ADGRL2: variants seen among roughly 807,000 people sequenced by gnomAD.
The protein encoded by ADGRL2 is adhesion G protein-coupled receptor L2.
Under a neutral mutation model 157.4 loss-of-function variants are expected in ADGRL2, and 44 were observed. The ratio of observed to expected loss-of-function variants is 0.28; its 90% CI spans 0.22 to 0.36. The LOEUF (loss-of-function observed/expected upper bound fraction) is 0.36, where lower values mean the gene tolerates loss of function less well. ADGRL2 is among the 10% of genes least tolerant of loss of function. The pLI is 1.00. For missense variants in ADGRL2, 1,510 were observed against 1,768.9 expected (o/e 0.85, Z 2.63); for synonymous variants, 585 against 624.7 (o/e 0.94, Z 0.95).
At chr1:81,708,406 G>T (rs1043825479) in intron 1 of ADGRL2, among the ~76,000 whole-genome samples, 1 of 152,042 alleles carries the variant, frequency 6.6e-6, no homozygotes, top group Non-Finnish European at 1.5e-5. Context: ...AAGCAATATT[G>T]TTTCCATTAT....
intron 2 of ADGRL2, among the ~76,000 whole-genome samples, chr1:81,510,985 G>T (rs1026344219): frequency 6.6e-6 from 1 of 152,056 alleles, no homozygotes; most frequent in Non-Finnish European, 1.5e-5. Context: ...TATAATCAAA[G>T]CTTCAAAGTT....
At chr1:81,899,435 T>G (rs2094449936) in intron 2 of ADGRL2, among the ~76,000 whole-genome samples, 1 of 152,106 alleles carries the variant, frequency 6.6e-6, no homozygotes, top group African/African-American at 2.4e-5. Context: ...TGCCGGGAGG[T>G]ATTTATTCCG....
intron 1 of ADGRL2, among the ~76,000 whole-genome samples, chr1:81,361,322 CT>C (rs2075975188): frequency 6.6e-6 from 1 of 152,004 alleles, no homozygotes; most frequent in Non-Finnish European, 1.5e-5. Context: ...AAAGTAGTCT[CT>C]CAGTAATAGT....
At chr1:81,906,947 A>C in intron 2 of ADGRL2, 70 bp from the exon 3 acceptor site, 3 of 1,233,946 alleles carry the variant, frequency 2.4e-6, no homozygotes, top group Non-Finnish European at 3.5e-6. Context: ...TATTACTTGA[A>C]AATGCTTTAC....
intron 3 of ADGRL2, among the ~76,000 whole-genome samples, chr1:81,606,330 T>C (rs1465373411): frequency 6.6e-6 from 1 of 152,230 alleles, no homozygotes; most frequent in East Asian, 1.9e-4. Context: ...GATCTTTCTG[T>C]AATGCATAGC....
chr1:81,936,295 G>A (rs2095309545), intron 3 of ADGRL2, among the ~76,000 whole-genome samples: 2 of 151,726 alleles, frequency 1.3e-5, no homozygotes, highest in Admixed American at 6.6e-5. Flanking sequence ...AGAAATTCAG[G>A]TTTTGACTCT....
intron 2 of ADGRL2, among the ~76,000 whole-genome samples, chr1:81,876,648 A>G (rs944312600): frequency 1.5e-4 from 23 of 152,120 alleles, no homozygotes; most frequent in Non-Finnish European, 7.4e-5. Flanking sequence ...GACTTTCTGA[A>G]GCTAATAATC....
At chr1:81,663,007 G>T (rs904338284) in intron 3 of ADGRL2, among the ~76,000 whole-genome samples, 1 of 151,988 alleles carries the variant, frequency 6.6e-6, no homozygotes, top group Non-Finnish European at 1.5e-5. Context: ...CTTACAAACT[G>T]CCTTAGAATC....
intron 3 of ADGRL2, among the ~76,000 whole-genome samples, chr1:81,691,914 A>G (rs1385905667): frequency 1.4e-5 from 2 of 145,688 alleles, no homozygotes; most frequent in Admixed American, 7.0e-5. Context: ...ATATAGATAT[A>G]TGTGTGTATA....
chr1:81,584,118 A>T (rs192143999), intron 3 of ADGRL2, among the ~76,000 whole-genome samples: 14 of 152,144 alleles, frequency 9.2e-5, no homozygotes, highest in Admixed American at 9.2e-4. Context: ...AGGTAGAGGG[A>T]TTTGCTTTTA....
chr1:81,710,103 TCA>T (rs1322017180), intron 1 of ADGRL2, among the ~76,000 whole-genome samples: 1 of 152,154 alleles, frequency 6.6e-6, no homozygotes, highest in East Asian at 1.9e-4. Context: ...AATTTATTTA[TCA>T]CATATTGCAT....
intron 1 of ADGRL2, among the ~76,000 whole-genome samples, chr1:81,409,698 G>C (rs996675960): frequency 2.0e-5 from 3 of 152,090 alleles, no homozygotes; most frequent in Non-Finnish European, 4.4e-5. Flanking sequence ...ATCTCCATTA[G>C]TCAAATCACA....
At position 81,985,421 on chromosome 1, in the gene ADGRL2, A is replaced by G. The variant is rs917912914; in HGVS notation, c.3508+66A>G. On this transcript the variant is annotated intron_variant, in intron 21 of 23. Coordinates refer to ENST00000686636, the MANE Select transcript of ADGRL2 (RefSeq NM_001366006.2). ...AGTACATATAAGTTCCTTTTATTCA[A>G]TAATGTAATGTAAGAAATATAATTT... 4 of 799,796 alleles carry G rather than the reference A, an allele frequency of 5.0e-6. No homozygotes were observed. The Admixed American group carries it at 6.9e-5, about 14-fold the overall frequency. The allele number at this position is 799,796 out of a possible 1,614,324, so 49.5% of individuals were successfully genotyped here.
At chr1:81,427,286 G>A in intron 1 of ADGRL2, 4 of 735,334 alleles carry the variant, frequency 5.4e-6, no homozygotes, top group Admixed American at 1.8e-5. Context: ...TGGATATAAT[G>A]GACTTAGAGG....
intron 2 of ADGRL2, among the ~76,000 whole-genome samples, chr1:81,783,760 A>G (rs1481363096): frequency 1.3e-5 from 2 of 152,206 alleles, no homozygotes; most frequent in African/African-American, 2.4e-5. Flanking sequence ...GAATATTCAA[A>G]ATTGTTTCAT....
chr1:81,630,971 T>C (rs1363195906), intron 3 of ADGRL2, among the ~76,000 whole-genome samples: 4 of 152,132 alleles, frequency 2.6e-5, no homozygotes, highest in Non-Finnish European at 4.4e-5. Flanking sequence ...AATACGAAGC[T>C]ACAAAACCTG....
intron 3 of ADGRL2, among the ~76,000 whole-genome samples, chr1:81,623,259 C>T (rs2081836840): frequency 6.6e-6 from 1 of 152,308 alleles, no homozygotes; most frequent in African/African-American, 2.4e-5. Flanking sequence ...AGTTACAAGA[C>T]ATTGACAGAT....
At chr1:81,650,590 A>AAAAAAAAAAG (rs1557536790) in intron 3 of ADGRL2, among the ~76,000 whole-genome samples, 2 of 147,952 alleles carry the variant, frequency 1.4e-5, no homozygotes, top group Non-Finnish European at 3.0e-5. Flanking sequence ...AAAAAAAAAA[A>AAAAAAAAAAG]AAAGAAAAAG....
At chr1:81,575,464 C>T (rs1055475657) in intron 2 of ADGRL2, among the ~76,000 whole-genome samples, 21 of 151,898 alleles carry the variant, frequency 1.4e-4, no homozygotes, top group East Asian at 3.9e-4. Flanking sequence ...TCACTGTTAG[C>T]GGCAGTATCT....
Sources: gnomAD v4.1 joint callset for allele counts (sites outside exome capture counted in the v4.1 genomes callset) on GRCh38, gnomAD v4.1.1 for gene constraint, MANE v1.5 for transcripts, NCBI Gene and HGNC (gene_info 2026-07-23, HGNC 2026-07-21) for gene names.